Variants in SNTG1 observed in about 807,000 individuals in gnomAD.
The protein encoded by SNTG1 is gamma-1-syntrophin.
Under a neutral mutation model 74.7 loss-of-function variants are expected in SNTG1, and 39 were observed. That is an observed-to-expected ratio of 0.52 (90% CI 0.40 to 0.68). The LOEUF (loss-of-function observed/expected upper bound fraction) is 0.68, where lower values mean the gene tolerates loss of function less well. Among genes scored for constraint, SNTG1 ranks in the 30% least tolerant of loss-of-function variants. The pLI, the probability that SNTG1 is intolerant of heterozygous loss-of-function variation, is 0.00. For synonymous variants in SNTG1, 254 were observed against 217.1 expected (o/e 1.17, Z -1.49); for missense variants, 685 against 609.5 (o/e 1.12, Z -1.30).
At chr8:50,371,998 G>A (rs77114231) in intron 2 of SNTG1, among the ~76,000 whole-genome samples, 7,501 of 152,014 alleles carry the variant, frequency 0.049, 252 homozygotes, top group Non-Finnish European at 0.071. Flanking sequence ...TTTTGATTAG[G>A]GAGTTTAATC....
At chr8:50,461,776 T>C (rs956831770) in intron 8 of SNTG1, among the ~76,000 whole-genome samples, 1 of 152,246 alleles carries the variant, frequency 6.6e-6, no homozygotes. Context: ...GGCACTAACA[T>C]ACTTTTCAGG....
intron 2 of SNTG1, among the ~76,000 whole-genome samples, chr8:50,302,703 T>A (rs918940786): frequency 1.3e-5 from 2 of 152,174 alleles, no homozygotes; most frequent in Non-Finnish European, 2.9e-5. Flanking sequence ...TCTCTCTGTC[T>A]TTCATACTCT....
At chr8:50,430,507 A>G (rs901531616) in intron 4 of SNTG1, among the ~76,000 whole-genome samples, 15 of 152,176 alleles carry the variant, frequency 9.9e-5, no homozygotes, top group African/African-American at 3.4e-4. Context: ...GTATAATAGT[A>G]TTAGGATTGT....
At chr8:50,546,091 T>C (rs1162580100) in intron 11 of SNTG1, among the ~76,000 whole-genome samples, 1 of 152,132 alleles carries the variant, frequency 6.6e-6, no homozygotes, top group Non-Finnish European at 1.5e-5. Flanking sequence ...CGTAAGGATG[T>C]CATAGAAGTT....
chr8:50,153,065 T>G (rs942602424), intron 1 of SNTG1, among the ~76,000 whole-genome samples: 1 of 152,238 alleles, frequency 6.6e-6, no homozygotes, highest in African/African-American at 2.4e-5. Flanking sequence ...ATTTGGTCTT[T>G]TCACATAGTA....
chr8:50,635,911 A>C (rs951464533), intron 13 of SNTG1, among the ~76,000 whole-genome samples: 7 of 152,012 alleles, frequency 4.6e-5, no homozygotes, highest in African/African-American at 1.7e-4. Flanking sequence ...GAAGCCAGCA[A>C]GGCTCTGAGT....
intron 2 of SNTG1, among the ~76,000 whole-genome samples, chr8:50,292,357 G>T (rs893382874): frequency 1.3e-5 from 2 of 152,130 alleles, no homozygotes; most frequent in East Asian, 3.9e-4. Flanking sequence ...GCCAAAAGGA[G>T]AAACCAGGCA....
At chr8:50,733,194 G>A (rs922665992) in intron 17 of SNTG1, among the ~76,000 whole-genome samples, 25 of 151,928 alleles carry the variant, frequency 1.6e-4, no homozygotes, top group Admixed American at 1.5e-3. Flanking sequence ...TTGGTTTTCT[G>A]TTTTGCATTT....
chr8:50,063,084 T>C (rs1411920200), intron 1 of SNTG1, among the ~76,000 whole-genome samples: 1 of 152,224 alleles, frequency 6.6e-6, no homozygotes, highest in Non-Finnish European at 1.5e-5. Flanking sequence ...AGGGAAAGGA[T>C]TGTCACATTG....
At chr8:50,575,970 G>T (rs2094574537) in intron 12 of SNTG1, among the ~76,000 whole-genome samples, 1 of 151,938 alleles carries the variant, frequency 6.6e-6, no homozygotes, top group Non-Finnish European at 1.5e-5. Flanking sequence ...GTTTTACTAT[G>T]GTGGGCTCAA....
chr8:50,568,400 CT>C (rs1343069087), intron 12 of SNTG1, among the ~76,000 whole-genome samples: 1 of 151,990 alleles, frequency 6.6e-6, no homozygotes, highest in Non-Finnish European at 1.5e-5. Flanking sequence ...TCTGTTTTTA[CT>C]TTTTGAGGAA....
chr8:50,019,552 C>T (rs1158298286), intron 1 of SNTG1, among the ~76,000 whole-genome samples: 1 of 152,056 alleles, frequency 6.6e-6, no homozygotes, highest in Non-Finnish European at 1.5e-5. Context: ...ATTAATGCAT[C>T]TGTTCATCAT....
At position 50,092,959 on chromosome 8, in the gene SNTG1, A is replaced by G. The variant is rs552822606; in HGVS notation, c.-102-79602A>G. Among the ~76,000 whole-genome samples, 11 of 152,298 alleles carry G rather than the reference A, an allele frequency of 7.2e-5. 1 individual carries two copies. Among genetic ancestry groups the G allele is most frequent in the African/African-American group, 2.4e-4 (10 of 41,564 alleles). ...ATTCTATGGATTTATCCCAAAAGGAAAGCACTGTGGCTGGTGGTAAGACAC... is the reference window on the plus strand; with the variant it reads ...ATTCTATGGATTTATCCCAAAAGGAGAGCACTGTGGCTGGTGGTAAGACAC... On this transcript the variant is annotated intron_variant, in intron 1 of 18. Transcript: ENST00000642720.
chr8:50,755,889 A>G lies in SNTG1; in HGVS notation c.1395+3778A>G, dbSNP rs79937300. 6.9e-3 allele frequency among the ~76,000 whole-genome samples: 1,041 copies of G among 151,586 alleles called. 38 individuals are homozygous for G. The East Asian group carries it at 0.11, about 16-fold the overall frequency. ...TGCATATTTTCATATGCTAATTTTC[A>G]TCTGTATATATTCTTTGGTAAGGTA... On this transcript the variant is annotated intron_variant, in intron 18 of 18. Transcript: ENST00000642720.
intron 2 of SNTG1, among the ~76,000 whole-genome samples, chr8:50,347,300 A>G (rs985589698): frequency 6.6e-6 from 1 of 152,242 alleles, no homozygotes; most frequent in African/African-American, 2.4e-5. Flanking sequence ...AAATGAAAAA[A>G]CAAATCCTGA....
intron 13 of SNTG1, among the ~76,000 whole-genome samples, chr8:50,600,704 G>C (rs191934312): frequency 4.0e-5 from 6 of 151,542 alleles, no homozygotes; most frequent in African/African-American, 1.5e-4. Context: ...TTTGGTAAAG[G>C]TTTGTCAATA....
chr8:50,780,539 T>C lies in SNTG1; in HGVS notation c.1396-12132T>C, dbSNP rs529994827. Among the ~76,000 whole-genome samples the C allele has an allele frequency of 9.5e-4, 144 of 152,216 alleles. 2 individuals are homozygous for C. Among genetic ancestry groups the C allele is most frequent in the Middle Eastern group, 6.8e-3 (2 of 294 alleles). ...ATGGTAGTTTGTATTTCTGTGGGAT[T>C]GGTGGTGATATCCCCTTTATCATTT... On this transcript the variant is annotated intron_variant, in intron 18 of 18. Coordinates refer to ENST00000642720, the MANE Select transcript of SNTG1 (RefSeq NM_018967.5).
intron 1 of SNTG1, chr8:50,011,956 T>C (rs1471383891): frequency 6.6e-6 from 1 of 152,162 alleles, no homozygotes; most frequent in African/African-American, 2.4e-5. Context: ...CTATCACCTT[T>C]TTTTCCTTTA....
chr8:50,756,214 C>G (rs200774488), intron 18 of SNTG1, among the ~76,000 whole-genome samples: 1 of 151,754 alleles, frequency 6.6e-6, no homozygotes, highest in Admixed American at 6.6e-5. Context: ...TCTTTTTGCT[C>G]TCTTGAGAAT....
Sources: gnomAD v4.1 joint callset for allele counts (sites outside exome capture counted in the v4.1 genomes callset) on GRCh38, gnomAD v4.1.1 for gene constraint, MANE v1.5 for transcripts, NCBI Gene and HGNC (gene_info 2026-07-23, HGNC 2026-07-21) for gene names.